NAA50: variants seen among roughly 807,000 people sequenced by gnomAD.
NAA50 encodes the protein N-alpha-acetyltransferase 50, NatE catalytic subunit, also known as N-alpha-acetyltransferase 50.
A neutral mutation model predicts 20.7 loss-of-function variants in NAA50; 7 were observed. That is an observed-to-expected ratio of 0.34 (90% CI 0.19 to 0.63). The LOEUF (loss-of-function observed/expected upper bound fraction) is 0.63. Ranked by LOEUF, NAA50 falls within the 30% of genes least tolerant of loss-of-function variation. The pLI is 0.75. For missense variants in NAA50, 111 were observed against 199.1 expected (o/e 0.56, Z 2.66); for synonymous variants, 54 against 70.6 (o/e 0.77, Z 1.18).
At chr3:113,727,319 C>T (rs1042582831) in intron 1 of NAA50, among the ~76,000 whole-genome samples, 1 of 152,036 alleles carries the variant, frequency 6.6e-6, no homozygotes, top group African/African-American at 2.4e-5. Flanking sequence ...ACTTAAGAAC[C>T]TACAAAGTCA....
At chr3:113,729,144 C>T (rs1449696980) in intron 1 of NAA50, among the ~76,000 whole-genome samples, 1 of 151,954 alleles carries the variant, frequency 6.6e-6, no homozygotes, top group Non-Finnish European at 1.5e-5. Context: ...TGCCACCACT[C>T]CTAACTAATT....
At chr3:113,745,171 A>C (rs1708473691) in intron 1 of NAA50, among the ~76,000 whole-genome samples, 1 of 152,188 alleles carries the variant, frequency 6.6e-6, no homozygotes, top group Non-Finnish European at 1.5e-5. Flanking sequence ...GATCCAAAAT[A>C]ATTCCTAATT....
intron 1 of NAA50, among the ~76,000 whole-genome samples, chr3:113,728,079 T>TAA (rs11429752): frequency 1.6e-3 from 224 of 140,746 alleles, no homozygotes; most frequent in African/African-American, 3.2e-3. Flanking sequence ...AACACGGAGT[T>TAA]AAAAAAAAAA....
rs1338730113 is a variant in NAA50, at chr3:113,721,388, T to G, written c.*372A>C. On this transcript the variant is annotated 3_prime_UTR_variant, in exon 5 of 5. Transcript: ENST00000240922. Reference sequence around the variant, plus strand: ...TAGAGAACAAGATACTGCTGCTGCTTCTTTTTGTCTTTTGAAATATACAAT... The same window carrying G: ...TAGAGAACAAGATACTGCTGCTGCTGCTTTTTGTCTTTTGAAATATACAAT... 2 of 226,660 alleles carry G rather than the reference T, an allele frequency of 8.8e-6. No homozygotes were observed. Among genetic ancestry groups the G allele is most frequent in the Non-Finnish European group, 1.7e-5 (2 of 115,608 alleles). 14.0% of individuals were successfully genotyped at this position (226,660 alleles called of 1,614,324 possible).
chr3:113,744,147 G>A (rs1467525862), intron 1 of NAA50, among the ~76,000 whole-genome samples: 2 of 152,136 alleles, frequency 1.3e-5, no homozygotes, highest in African/African-American at 4.8e-5. Flanking sequence ...AAATGAGTAA[G>A]AGTCAGCAAC....
chr3:113,724,777 T>C (rs1253566352), intron 1 of NAA50, among the ~76,000 whole-genome samples: 1 of 152,082 alleles, frequency 6.6e-6, no homozygotes, highest in Non-Finnish European at 1.5e-5. Flanking sequence ...CGGCGAATCA[T>C]GGGGGCGGTT....
At position 113,719,960 on chromosome 3, in the gene NAA50, A is replaced by T. The variant is rs7648784; in HGVS notation, c.*1800T>A. The T allele has an allele frequency of 6.5e-6, 1 of 152,750 alleles. No individual in the cohort carries two copies. The highest frequency in any genetic ancestry group is 2.1e-4 in the South Asian group (1 of 4,824). 9.5% of individuals were successfully genotyped at this position (152,750 alleles called of 1,614,324 possible). ...TCTTCTCTTGCCAAGAGCAAGCTGAAGCTTATTCATGAAGATAAAGGTGCT... is the reference window on the plus strand; with the variant it reads ...TCTTCTCTTGCCAAGAGCAAGCTGATGCTTATTCATGAAGATAAAGGTGCT... On this transcript the variant is annotated 3_prime_UTR_variant, in exon 5 of 5. Coordinates refer to ENST00000240922, the MANE Select transcript of NAA50 (RefSeq NM_025146.4).
At chr3:113,739,460 T>A (rs928195102) in intron 1 of NAA50, 4 of 152,184 alleles carry the variant, frequency 2.6e-5, no homozygotes, top group African/African-American at 9.7e-5. Context: ...TAGGAAATTA[T>A]CCAAAAGAAG....
chr3:113,727,130 GATCAC>G, intron 1 of NAA50, among the ~76,000 whole-genome samples: 1 of 152,284 alleles, frequency 6.6e-6, no homozygotes, highest in South Asian at 2.1e-4. Flanking sequence ...AGCTGACAGG[GATCAC>G]ATCTTACCTA....
chr3:113,723,885 G>T, intron 2 of NAA50, 74 bp downstream of exon 2: 1 of 1,406,590 alleles, frequency 7.1e-7, no homozygotes. Context: ...AACTTCTTCT[G>T]CTCTATAAAA....
rs1287872661 is a variant in NAA50 at position 113,717,526 on chromosome 3, G to A, written c.*4234C>T. The stretch of plus-strand genomic sequence containing the variant: ...TTTTCCCATGTGACTATGTTACTTG[G>A]CTGTATCATAAACTAGGACTAAGTT... On this transcript the variant is annotated 3_prime_UTR_variant, in exon 5 of 5. Coordinates refer to ENST00000240922, the MANE Select transcript of NAA50 (RefSeq NM_025146.4). The A allele has an allele frequency of 6.6e-6, 1 of 152,074 alleles. No individual in the cohort carries two copies. Among genetic ancestry groups the A allele is most frequent in the Non-Finnish European group, 1.5e-5 (1 of 68,016 alleles). The allele number at this position is 152,074 out of a possible 1,614,324, so 9.4% of individuals were successfully genotyped here.
At chr3:113,742,211 C>T (rs1162140927) in intron 1 of NAA50, among the ~76,000 whole-genome samples, 1 of 152,100 alleles carries the variant, frequency 6.6e-6, no homozygotes, top group Non-Finnish European at 1.5e-5. Context: ...GCCTGACTAG[C>T]TTTTGGTTTT....
At chr3:113,737,912 A>G (rs79010547) in intron 1 of NAA50, among the ~76,000 whole-genome samples, 3,199 of 152,250 alleles carry the variant, frequency 0.021, 49 homozygotes, top group Non-Finnish European at 0.034. Flanking sequence ...AGTAATTTTA[A>G]AAGTAAAAGG....
At chr3:113,742,448 C>G (rs557552263) in intron 1 of NAA50, among the ~76,000 whole-genome samples, 2 of 138,042 alleles carry the variant, frequency 1.4e-5, no homozygotes, top group East Asian at 4.3e-4. Flanking sequence ...TTTTTTGAGA[C>G]AGAGTCTCAC....
At chr3:113,723,275 T>C in intron 3 of NAA50, 147 bp downstream of exon 3, 1 of 799,190 alleles carries the variant, frequency 1.3e-6, no homozygotes. Flanking sequence ...TAATAAACAC[T>C]AGTTATTTTT....
chr3:113,737,603 T>C (rs1708360792), intron 1 of NAA50, among the ~76,000 whole-genome samples: 1 of 152,228 alleles, frequency 6.6e-6, no homozygotes, highest in African/African-American at 2.4e-5. Context: ...TAGGGCAGGA[T>C]CTCAGATTAT....
rs562799767 is a variant in NAA50 at position 113,730,335 on chromosome 3, A to G, written c.9-6240T>C. Among the ~76,000 whole-genome samples, 5 of 152,174 alleles carry G rather than the reference A, an allele frequency of 3.3e-5. No homozygotes were observed. In the South Asian group the frequency reaches 1.0e-3, roughly 32 times the overall value. On this transcript the variant is annotated intron_variant, in intron 1 of 4. Coordinates refer to ENST00000240922, the MANE Select transcript of NAA50 (RefSeq NM_025146.4). ...AATGTAATTATTGAATTACTGATTT[A>G]GTTGATTCAAGTCCATCAGCTTGCA...
intron 1 of NAA50, among the ~76,000 whole-genome samples, chr3:113,738,783 A>G (rs972034995): frequency 1.3e-5 from 2 of 152,188 alleles, no homozygotes; most frequent in African/African-American, 4.8e-5. Flanking sequence ...GAACCCAAAC[A>G]TACCTTTAAA....
At position 113,745,147 on chromosome 3, in the gene NAA50, AAACTT is replaced by A. The variant is rs1708473340; in HGVS notation, c.8+790_8+794del. ...TTAATGGTAAGGAGACATTTCATAA[AAACTT>A]AACCAGTCGATCCAAAATAATTCCT... On this transcript the variant is annotated intron_variant, in intron 1 of 4. Transcript: ENST00000240922. Among the ~76,000 whole-genome samples the A allele has an allele frequency of 1.3e-5, 2 of 152,246 alleles. 1 individual carries two copies. Among genetic ancestry groups the A allele is most frequent in the South Asian group, 4.1e-4 (2 of 4,836 alleles).
Sources: gnomAD v4.1 joint callset for allele counts (sites outside exome capture counted in the v4.1 genomes callset) on GRCh38, gnomAD v4.1.1 for gene constraint, MANE v1.5 for transcripts, NCBI Gene and HGNC (gene_info 2026-07-23, HGNC 2026-07-21) for gene names.